Variants in VPS4B observed in about 807,000 individuals in gnomAD.
VPS4B encodes the protein vacuolar protein sorting-associated protein 4B.
A neutral mutation model predicts 56.1 loss-of-function variants in VPS4B; 23 were observed. That is an observed-to-expected ratio of 0.41 (90% CI 0.30 to 0.58). VPS4B has a LOEUF of 0.58. Ranked by LOEUF, VPS4B falls within the 20% of genes least tolerant of loss-of-function variation. The pLI, the probability that VPS4B is intolerant of heterozygous loss-of-function variation, is 0.29. For synonymous variants in VPS4B, 177 were observed against 186.0 expected (o/e 0.95, Z 0.39); for missense variants, 372 against 531.9 (o/e 0.70, Z 2.96).
chr18:63,412,688 G>A (rs1473706440), intron 1 of VPS4B, among the ~76,000 whole-genome samples: 1 of 152,054 alleles, frequency 6.6e-6, no homozygotes, highest in Non-Finnish European at 1.5e-5. Context: ...ACAAAACTTT[G>A]ATTCTTATTT....
chr18:63,415,826 G>T, intron 1 of VPS4B: 1 of 190,458 alleles, frequency 5.3e-6, no homozygotes, highest in Non-Finnish European at 1.1e-5. Context: ...TCAGAGCCAG[G>T]GATATGAACA....
At position 63,411,326 on chromosome 18, in the gene VPS4B, TAGAA is replaced by T. The variant is rs1328987736; in HGVS notation, c.139+137_139+140del. 2.1e-5 allele frequency: 12 copies of T among 564,308 alleles called. No individual in the cohort carries two copies. The East Asian group carries it at 2.9e-4, about 14-fold the overall frequency. 35.0% of individuals were successfully genotyped at this position (564,308 alleles called of 1,614,324 possible). ...CTACATCTCAATACTTAAAAATCAC[TAGAA>T]AGAAAGTGGAGTATTTTTTTTTTTT... On this transcript the variant is annotated intron_variant, in intron 2 of 10. Coordinates refer to ENST00000238497, the MANE Select transcript of VPS4B (RefSeq NM_004869.4).
intron 7 of VPS4B, 75 bp downstream of exon 7, chr18:63,399,973 C>T (rs1314833741): frequency 3.4e-5 from 47 of 1,399,386 alleles, no homozygotes; most frequent in East Asian, 1.5e-4. Context: ...GAGCTGAGAT[C>T]GCGCCACTGC....
intron 9 of VPS4B, among the ~76,000 whole-genome samples, 198 bp from the exon 10 acceptor site, chr18:63,393,747 T>C (rs1346364722): frequency 6.6e-6 from 1 of 151,504 alleles, no homozygotes; most frequent in Admixed American, 6.6e-5. Context: ...TGCTTTTAGT[T>C]TTTTTTTTGA....
intron 1 of VPS4B, among the ~76,000 whole-genome samples, chr18:63,412,901 T>C (rs1916076957): frequency 6.6e-6 from 1 of 151,834 alleles, no homozygotes; most frequent in Non-Finnish European, 1.5e-5. Context: ...ATCAAAAGCA[T>C]ACTATATAAA....
chr18:63,389,244 GT>G lies in VPS4B; in HGVS notation c.*1730del, dbSNP rs971820805. On this transcript the variant is annotated 3_prime_UTR_variant, in exon 11 of 11. Transcript: ENST00000238497. ...ATTTCTTTGTATCTAACCAATTTAGGTAATATTTTCTTTTACACAGAAGGTC... is the reference window on the plus strand; with the variant it reads ...ATTTCTTTGTATCTAACCAATTTAGGAATATTTTCTTTTACACAGAAGGTC... 7 of 151,996 alleles carry G rather than the reference GT, an allele frequency of 4.6e-5. No homozygotes were observed. Among genetic ancestry groups the G allele is most frequent in the Admixed American group, 4.6e-4 (7 of 15,264 alleles). The allele number at this position is 151,996 out of a possible 1,614,324, so 9.4% of individuals were successfully genotyped here.
At chr18:63,422,102 T>A in intron 1 of VPS4B, 131 bp downstream of exon 1, 5 of 1,047,212 alleles carry the variant, frequency 4.8e-6, no homozygotes, top group Non-Finnish European at 6.5e-6. Flanking sequence ...CTGCTGCAGG[T>A]CCCCGGACCC....
chr18:63,408,510 G>A (rs1199574749), intron 3 of VPS4B, among the ~76,000 whole-genome samples: 3 of 152,164 alleles, frequency 2.0e-5, no homozygotes, highest in African/African-American at 7.2e-5. Flanking sequence ...CTTGTAGCTA[G>A]GGTTCCACAT....
chr18:63,417,493 C>T (rs1916194774), intron 1 of VPS4B, among the ~76,000 whole-genome samples: 1 of 152,090 alleles, frequency 6.6e-6, no homozygotes, highest in Non-Finnish European at 1.5e-5. Context: ...ACCATTCTGG[C>T]TCCTCCTTCT....
At chr18:63,412,709 A>G (rs1027707770) in intron 1 of VPS4B, among the ~76,000 whole-genome samples, 1 of 152,186 alleles carries the variant, frequency 6.6e-6, no homozygotes, top group Non-Finnish European at 1.5e-5. Context: ...ATTTGTTGAG[A>G]CGGGGCTCCA....
rs1915789801 is a variant in VPS4B, at chr18:63,400,677, G to A, written c.511C>T (p.Leu171=). The change falls in exon 6 of 11, where the codon CTA becomes TTA. Residue 171 remains leucine (L), a synonymous_variant. Coordinates refer to ENST00000238497, the MANE Select transcript of VPS4B (RefSeq NM_004869.4). ...TGKRTPWRGI[L]LFGPPGTGKS... ...CCTGTTCCAGGCGGCCCAAATAATAGGATTCCCCTCCAAGGTGTTCTCTTG... is the reference window on the plus strand; with the variant it reads ...CCTGTTCCAGGCGGCCCAAATAATAAGATTCCCCTCCAAGGTGTTCTCTTG... 6.2e-7 allele frequency: 1 copy of A among 1,602,556 alleles called. No individual in the cohort carries two copies. Among genetic ancestry groups the A allele is most frequent in the African/African-American group, 1.4e-5 (1 of 73,958 alleles).
At chr18:63,408,134 T>C (rs181857239) in intron 3 of VPS4B, among the ~76,000 whole-genome samples, 1 of 152,292 alleles carries the variant, frequency 6.6e-6, no homozygotes, top group Admixed American at 6.5e-5. Flanking sequence ...GGGGAAAAAG[T>C]AACTCATATT....
At chr18:63,415,479 TG>T in intron 1 of VPS4B, 1 of 306,338 alleles carries the variant, frequency 3.3e-6, no homozygotes. Flanking sequence ...CTGATGCTCC[TG>T]GCATAAGCTT....
Position 63,390,925 on chromosome 18 carries a change from T to C in VPS4B, c.*50A>G. On this transcript the variant is annotated 3_prime_UTR_variant, in exon 11 of 11. Coordinates refer to ENST00000238497, the MANE Select transcript of VPS4B (RefSeq NM_004869.4). ...TTAATGCGATCCAAATAGACAAAAA[T>C]ATCTATGAAAGAAAGAATACATATG... is the stretch of plus-strand genomic sequence containing the variant. The C allele has an allele frequency of 1.5e-6, 2 of 1,322,738 alleles. No homozygotes were observed. Among genetic ancestry groups the C allele is most frequent in the Non-Finnish European group, 1.1e-6 (1 of 928,812 alleles). 81.9% of individuals were successfully genotyped at this position (1,322,738 alleles called of 1,614,324 possible).
At position 63,399,246 on chromosome 18, in the gene VPS4B, G is replaced by A. The variant is rs1915756934; in HGVS notation, c.868C>T (p.Arg290Ter). ...IPWVLDSAIR[R>*]RFEKRIYIPL... ...ATATTTACTATATTATCCTACCTTC[G>A]CCTAATGGCAGAATCCAGAACCCAG... Residue 290 changes from arginine (R) to a stop codon, truncating the protein, a stop_gained, in exon 8 of 11, where the codon CGA (arginine) becomes TGA (stop). Transcript: ENST00000238497. LOFTEE classifies it high-confidence loss of function. The A allele has an allele frequency of 6.2e-7, 1 of 1,612,848 alleles. No homozygotes were observed. The highest frequency in any genetic ancestry group is 8.5e-7 in the Non-Finnish European group (1 of 1,179,072).
At chr18:63,415,589 C>T (rs1287439828) in intron 1 of VPS4B, 2 of 257,676 alleles carry the variant, frequency 7.8e-6, no homozygotes, top group East Asian at 2.0e-4. Flanking sequence ...TTGATGTGCC[C>T]TGAGTGAAGC....
intron 10 of VPS4B, 34 bp from the exon 11 acceptor site, chr18:63,391,110 A>G (rs768137471): frequency 7.3e-7 from 1 of 1,374,148 alleles, no homozygotes; most frequent in Non-Finnish European, 1.0e-6. Context: ...GGAGGATATT[A>G]ATAATAGAGT....
In VPS4B at chr18:63,401,731, G is replaced by T. The variant is rs1392851258; in HGVS notation, c.485-1028C>A. On this transcript the variant is annotated intron_variant, in intron 5 of 10. Transcript: ENST00000238497. ...ACTATGGCTGGGCATGGTGGCTCAT[G>T]TATGTAATCCCAGCACTTTGAGAGG... 3.3e-5 allele frequency among the ~76,000 whole-genome samples: 5 copies of T among 152,254 alleles called. No individual in the cohort carries two copies. The East Asian group carries it at 9.7e-4, about 29-fold the overall frequency.
At chr18:63,420,978 T>C (rs1360552831) in intron 1 of VPS4B, among the ~76,000 whole-genome samples, 1 of 144,802 alleles carries the variant, frequency 6.9e-6, no homozygotes, top group African/African-American at 2.6e-5. Flanking sequence ...GTGGAGGTTG[T>C]AGTGAGCTGA....
Sources: allele counts gnomAD v4.1 joint callset (sites outside exome capture counted in the v4.1 genomes callset), GRCh38; gene constraint gnomAD v4.1.1; transcripts MANE v1.5; gene names NCBI Gene and HGNC (gene_info 2026-07-23, HGNC 2026-07-21).